Variants in MTA3 observed in about 807,000 individuals in gnomAD.
MTA3 encodes the protein metastasis-associated protein MTA3.
MTA3 carries 34 observed loss-of-function variants against 83.5 expected under a neutral mutation model. That is an observed-to-expected ratio of 0.41 (90% CI 0.31 to 0.54). The LOEUF is 0.54. MTA3 is among the 20% of genes least tolerant of loss of function. The pLI is 0.33. For missense variants in MTA3, 761 were observed against 726.4 expected, an observed-to-expected ratio of 1.05 and a Z score of -0.55; for synonymous variants, 303 against 252.7, an observed-to-expected ratio of 1.20 and a Z score of -1.89.
chr2:42,569,155 C>T (rs1385695903), intron 1 of MTA3, among the ~76,000 whole-genome samples: 2 of 151,724 alleles, frequency 1.3e-5, no homozygotes, highest in Non-Finnish European at 2.9e-5. Context: ...GGGGACATCC[C>T]CTCTCCTGCT....
At chr2:42,659,972 C>T in intron 8 of MTA3, 110 bp downstream of exon 8, 1 of 635,778 alleles carries the variant, frequency 1.6e-6, no homozygotes, top group Non-Finnish European at 2.4e-6. Flanking sequence ...CTTAGCCTTC[C>T]TGACTGCTAG....
intron 16 of MTA3, among the ~76,000 whole-genome samples, chr2:42,751,472 A>G (rs1669865737): frequency 6.6e-6 from 1 of 152,180 alleles, no homozygotes. Context: ...TTCCTGCTCC[A>G]AGGAAATGCA....
chr2:42,601,664 A>G (rs1012162463), intron 3 of MTA3, among the ~76,000 whole-genome samples: 2 of 152,152 alleles, frequency 1.3e-5, no homozygotes, highest in Non-Finnish European at 2.9e-5. Flanking sequence ...CTGGGATTCC[A>G]GGTTCACGCC....
At chr2:42,700,441 T>C (rs1373109408) in intron 11 of MTA3, among the ~76,000 whole-genome samples, 1 of 152,242 alleles carries the variant, frequency 6.6e-6, no homozygotes, top group Non-Finnish European at 1.5e-5. Context: ...ACACTTGTTT[T>C]CCTTTTGTGA....
intron 2 of MTA3, among the ~76,000 whole-genome samples, chr2:42,530,363 T>G (rs1675904901): frequency 6.6e-6 from 1 of 152,022 alleles, no homozygotes; most frequent in Admixed American, 6.6e-5. Flanking sequence ...GGCGGGCGCA[T>G]GTAGTCCCAG....
At position 42,755,610 on chromosome 2, in the gene MTA3, C is replaced by G. The variant is rs1294769260; in HGVS notation, c.*2211C>G. 1.7e-5 allele frequency: 17 copies of G among 985,530 alleles called. No homozygotes were observed. Among genetic ancestry groups the G allele is most frequent in the South Asian group, 4.7e-5 (1 of 21,296 alleles). The allele number at this position is 985,530 out of a possible 1,614,324, so 61.0% of individuals were successfully genotyped here. A position where few individuals can be genotyped will look rare whatever the true frequency, so the allele number is the denominator to read the frequency against. ...TCCCTTTGTCTCTGGAAACTGCCCCCTCGTTCTGACAGAATCCCCCAGGCA... is the reference window on the plus strand; with the variant it reads ...TCCCTTTGTCTCTGGAAACTGCCCCGTCGTTCTGACAGAATCCCCCAGGCA... On this transcript the variant is annotated 3_prime_UTR_variant, in exon 17 of 17. Transcript: ENST00000405094.
In MTA3 at chr2:42,667,621, AAGAGAGAGAG is replaced by A. The variant is rs70963342; in HGVS notation, c.702+7786_702+7795del. Among the ~76,000 whole-genome samples the A allele has an allele frequency of 6.2e-3, 713 of 114,124 alleles. 5 individuals carry two copies. The highest frequency in any genetic ancestry group is 0.016 in the African/African-American group (507 of 30,778). 74.9% of individuals were successfully genotyped at this position (114,124 alleles called of 152,430 possible). Reference sequence around the variant, plus strand: ...GTGTGTGTGTGTGTATAGAGAGAGAAAGAGAGAGAGAGAGAGAGAGAGAGAGAGAGAGAGA... The same window carrying A: ...GTGTGTGTGTGTGTATAGAGAGAGAAAGAGAGAGAGAGAGAGAGAGAGAGA... On this transcript the variant is annotated intron_variant, in intron 8 of 16. Coordinates refer to ENST00000405094, the MANE Select transcript of MTA3 (RefSeq NM_001330442.2).
chr2:42,611,185 A>C (rs906327687), intron 4 of MTA3, among the ~76,000 whole-genome samples: 1 of 151,726 alleles, frequency 6.6e-6, no homozygotes, highest in East Asian at 1.9e-4. Context: ...GGGTTTCGCC[A>C]TGTTGGCCAG....
At chr2:42,605,217 A>AC (rs1292118994) in intron 3 of MTA3, among the ~76,000 whole-genome samples, 1,677 of 79,922 alleles carry the variant, frequency 0.021, 26 homozygotes, top group Non-Finnish European at 0.029. Context: ...GGGGGGGCTG[A>AC]CCCCCCCCAC....
chr2:42,536,162 C>G (rs928143611), intron 2 of MTA3, among the ~76,000 whole-genome samples: 6 of 149,478 alleles, frequency 4.0e-5, no homozygotes, highest in Non-Finnish European at 8.9e-5. Flanking sequence ...ACAACGGTCT[C>G]CCCCGGGCCA....
chr2:42,526,518 C>T (rs1012967972), intron 2 of MTA3, among the ~76,000 whole-genome samples: 1 of 152,146 alleles, frequency 6.6e-6, no homozygotes, highest in South Asian at 2.1e-4. Context: ...CACAGGCACT[C>T]GGATGTCAAC....
intron 14 of MTA3, among the ~76,000 whole-genome samples, chr2:42,709,765 CTGTT>C (rs1666443697): frequency 2.0e-5 from 3 of 152,158 alleles, no homozygotes; most frequent in Non-Finnish European, 2.9e-5. Flanking sequence ...GTTGAGCAGC[CTGTT>C]TGTCCAGTTT....
At chr2:42,513,346 G>T (rs906883430) in intron 2 of MTA3, among the ~76,000 whole-genome samples, 6 of 152,212 alleles carry the variant, frequency 3.9e-5, no homozygotes, top group African/African-American at 1.4e-4. Context: ...AGCAATCACT[G>T]GGGTGGGTAG....
chr2:42,665,489 C>T (rs145286057), intron 8 of MTA3, among the ~76,000 whole-genome samples: 3 of 152,330 alleles, frequency 2.0e-5, no homozygotes, highest in African/African-American at 7.2e-5. Flanking sequence ...CCAAGGAAAT[C>T]CTGCATTAGT....
chr2:42,728,429 G>A (rs1667974773), intron 16 of MTA3, among the ~76,000 whole-genome samples: 1 of 152,172 alleles, frequency 6.6e-6, no homozygotes, highest in African/African-American at 2.4e-5. Flanking sequence ...TCAATACGCT[G>A]ATTTCTTTTC....
chr2:42,522,898 C>T (rs1233341237), intron 2 of MTA3, among the ~76,000 whole-genome samples: 5 of 151,282 alleles, frequency 3.3e-5, no homozygotes, highest in Admixed American at 3.3e-4. Flanking sequence ...CAGCTGCAAC[C>T]TCCTGGGCTC....
At chr2:42,529,177 C>A (rs868308286) in intron 2 of MTA3, among the ~76,000 whole-genome samples, 11 of 152,048 alleles carry the variant, frequency 7.2e-5, no homozygotes, top group African/African-American at 2.7e-4. Context: ...CTTGCAAAAT[C>A]TTGATGTATA....
At chr2:42,515,071 T>G (rs969727191) in intron 2 of MTA3, among the ~76,000 whole-genome samples, 4 of 152,280 alleles carry the variant, frequency 2.6e-5, no homozygotes, top group South Asian at 2.1e-4. Flanking sequence ...TATTTTAATT[T>G]TTTGAGACAG....
chr2:42,754,997 G>A lies in MTA3; in HGVS notation c.*1598G>A. 1 of 985,690 alleles carries A rather than the reference G, an allele frequency of 1.0e-6. No homozygotes were observed. The highest frequency in any genetic ancestry group is 4.7e-5 in the South Asian group (1 of 21,292). 61.1% of individuals were successfully genotyped at this position (985,690 alleles called of 1,614,324 possible). On this transcript the variant is annotated 3_prime_UTR_variant, in exon 17 of 17. Transcript: ENST00000405094. ...CACCACCACCCACTCTTGGAGCTGT[G>A]CTGGGTCTTGGCTTGGGGCGCTGAG... is the stretch of plus-strand genomic sequence containing the variant.
Sources: allele counts gnomAD v4.1 joint callset (sites outside exome capture counted in the v4.1 genomes callset), GRCh38; gene constraint gnomAD v4.1.1; transcripts MANE v1.5; gene names NCBI Gene and HGNC (gene_info 2026-07-23, HGNC 2026-07-21).